PTPRG: variants seen among roughly 807,000 people sequenced by gnomAD.
PTPRG encodes protein tyrosine phosphatase receptor type G.
A neutral mutation model predicts 165.3 loss-of-function variants in PTPRG; 102 were observed. The ratio of observed to expected loss-of-function variants is 0.62; its 90% confidence interval spans 0.53 to 0.73. The LOEUF (loss-of-function observed/expected upper bound fraction) is 0.73, where lower values mean the gene tolerates loss of function less well. Among genes scored for constraint, PTPRG ranks in the 30% least tolerant of loss-of-function variants. The pLI, the probability that PTPRG is intolerant of heterozygous loss-of-function variation, is 0.00. For synonymous variants in PTPRG, 675 were observed against 669.5 expected (o/e 1.01, Z -0.13); for missense variants, 1,866 against 1,861.4 (o/e 1.00, Z -0.05).
chr3:61,927,930 A>T (rs1478900561), intron 2 of PTPRG, among the ~76,000 whole-genome samples: 1 of 152,108 alleles, frequency 6.6e-6, no homozygotes, highest in Non-Finnish European at 1.5e-5. Flanking sequence ...CGTGCGTTCA[A>T]AGAGGGATGG....
chr3:61,976,288 CA>C (rs1420045530), intron 2 of PTPRG, among the ~76,000 whole-genome samples: 13 of 152,190 alleles, frequency 8.5e-5, no homozygotes, highest in Non-Finnish European at 1.8e-4. Flanking sequence ...GCATTTTTAT[CA>C]AACAGCTTGA....
Position 61,562,226 on chromosome 3 carries a change from G to A in PTPRG, c.-62G>A. 6.7e-7 allele frequency: 1 copy of A among 1,489,698 alleles called. No homozygotes were observed. Among genetic ancestry groups the A allele is most frequent in the Non-Finnish European group, 9.4e-7 (1 of 1,067,748 alleles). 92.3% of individuals were successfully genotyped at this position (1,489,698 alleles called of 1,614,324 possible). A position where few individuals can be genotyped will look rare whatever the true frequency, so the allele number is the denominator to read the frequency against. On this transcript the variant is annotated 5_prime_UTR_variant, in exon 1 of 30. Coordinates refer to ENST00000474889, the MANE Select transcript of PTPRG (RefSeq NM_002841.4). Reference sequence around the variant, plus strand: ...CGGCTTAGCGGAGGCTCGCACGGAGGCAAGAACTTATTCAACAAGTTTACC... The same window carrying A: ...CGGCTTAGCGGAGGCTCGCACGGAGACAAGAACTTATTCAACAAGTTTACC...
At chr3:62,223,806 A>T (rs1264659357) in intron 13 of PTPRG, among the ~76,000 whole-genome samples, 1 of 152,172 alleles carries the variant, frequency 6.6e-6, no homozygotes, top group Non-Finnish European at 1.5e-5. Context: ...AAATGTACAG[A>T]GCTAAATGAA....
At chr3:61,953,374 A>G (rs1181711620) in intron 2 of PTPRG, among the ~76,000 whole-genome samples, 1 of 152,194 alleles carries the variant, frequency 6.6e-6, no homozygotes, top group Non-Finnish European at 1.5e-5. Flanking sequence ...TGGTTAGAAA[A>G]AAGGAATTGC....
At chr3:61,921,440 C>T (rs2039076765) in intron 2 of PTPRG, among the ~76,000 whole-genome samples, 1 of 152,022 alleles carries the variant, frequency 6.6e-6, no homozygotes, top group African/African-American at 2.4e-5. Context: ...CGTCCCTAAT[C>T]TGAAAATTGG....
chr3:61,963,898 A>G (rs9839181), intron 2 of PTPRG, among the ~76,000 whole-genome samples: 38,534 of 151,864 alleles, frequency 0.25, 5,383 homozygotes, highest in African/African-American at 0.37. Context: ...CTCAGAAGGC[A>G]AGGGTATATT....
intron 4 of PTPRG, among the ~76,000 whole-genome samples, chr3:62,051,423 G>C (rs1700465310): frequency 6.6e-6 from 1 of 152,166 alleles, no homozygotes; most frequent in South Asian, 2.1e-4. Flanking sequence ...TACTGTGCAA[G>C]AAAAGAGTGC....
chr3:61,827,473 C>T (rs2036146589), intron 2 of PTPRG, among the ~76,000 whole-genome samples: 1 of 152,144 alleles, frequency 6.6e-6, no homozygotes, highest in Admixed American at 6.5e-5. Context: ...ACTCATGGAT[C>T]CAAGGTCAGA....
At chr3:62,290,944 A>C (rs1338143432) in intron 28 of PTPRG, among the ~76,000 whole-genome samples, 3 of 152,184 alleles carry the variant, frequency 2.0e-5, no homozygotes, top group Non-Finnish European at 4.4e-5. Context: ...TCCGTATAAC[A>C]AAATGACCAC....
intron 1 of PTPRG, among the ~76,000 whole-genome samples, chr3:61,735,541 T>A (rs1294083874): frequency 2.0e-5 from 3 of 152,094 alleles, no homozygotes; most frequent in Non-Finnish European, 2.9e-5. Flanking sequence ...TTTTTTTTTT[T>A]TTTTCTTTGA....
intron 2 of PTPRG, among the ~76,000 whole-genome samples, chr3:61,840,309 A>G (rs1370992500): frequency 1.3e-5 from 2 of 152,116 alleles, no homozygotes; most frequent in African/African-American, 4.8e-5. Flanking sequence ...TCCAGGACCC[A>G]TTTCGATCTG....
At chr3:61,634,512 C>T (rs1301631063) in intron 1 of PTPRG, among the ~76,000 whole-genome samples, 1 of 151,442 alleles carries the variant, frequency 6.6e-6, no homozygotes, top group African/African-American at 2.4e-5. Flanking sequence ...GTTGGGATTA[C>T]AGGCGCGTGA....
intron 2 of PTPRG, among the ~76,000 whole-genome samples, chr3:61,977,235 G>A (rs1036683274): frequency 6.7e-6 from 1 of 149,478 alleles, no homozygotes; most frequent in African/African-American, 2.5e-5. Context: ...CTCACCGGGA[G>A]CAAGACCACC....
intron 5 of PTPRG, among the ~76,000 whole-genome samples, chr3:62,097,347 C>T (rs1021265043): frequency 6.6e-5 from 10 of 152,176 alleles, no homozygotes; most frequent in African/African-American, 2.4e-4. Context: ...GACCTGTGTC[C>T]GTTCCAGCAA....
At chr3:62,196,757 C>A (rs1240806304) in intron 10 of PTPRG, among the ~76,000 whole-genome samples, 1 of 152,174 alleles carries the variant, frequency 6.6e-6, no homozygotes, top group Non-Finnish European at 1.5e-5. Context: ...AAGAAAACCA[C>A]GCCAGGTTAA....
chr3:62,153,252 T>C (rs1332731696), intron 6 of PTPRG, among the ~76,000 whole-genome samples: 1 of 152,238 alleles, frequency 6.6e-6, no homozygotes, highest in African/African-American at 2.4e-5. Context: ...GTCAGCCACA[T>C]GCTTGCCTTG....
At chr3:62,041,753 ATGG>A (rs1458485822) in intron 4 of PTPRG, among the ~76,000 whole-genome samples, 1 of 152,030 alleles carries the variant, frequency 6.6e-6, no homozygotes, top group African/African-American at 2.4e-5. Context: ...GATCATTGTG[ATGG>A]TGGTGATGGA....
chr3:62,281,061 A>G (rs1339433998), intron 26 of PTPRG, among the ~76,000 whole-genome samples: 1 of 152,104 alleles, frequency 6.6e-6, no homozygotes, highest in East Asian at 1.9e-4. Context: ...GCTCCTAATT[A>G]TAGTAACCTT....
intron 1 of PTPRG, among the ~76,000 whole-genome samples, chr3:61,677,393 A>G (rs1173863621): frequency 6.6e-6 from 1 of 152,164 alleles, no homozygotes; most frequent in African/African-American, 2.4e-5. Flanking sequence ...CCCACTTTAC[A>G]TGTGAGGAAA....
Sources: allele counts gnomAD v4.1 joint callset (sites outside exome capture counted in the v4.1 genomes callset), GRCh38; gene constraint gnomAD v4.1.1; transcripts MANE v1.5; gene names NCBI Gene and HGNC (gene_info 2026-07-23, HGNC 2026-07-21).